The following ADORA2B variants were observed in gnomAD, a reference collection of about 807,000 sequenced individuals.
ADORA2B encodes the protein adenosine receptor A2b.
Under a neutral mutation model 20.8 loss-of-function variants are expected in ADORA2B, and 18 were observed. The observed-to-expected ratio is 0.87, with a 90% CI of 0.60 to 1.29. The LOEUF is 1.29. ADORA2B is among the 50% of genes most tolerant of loss of function. The pLI is 0.00. For synonymous variants in ADORA2B, 179 were observed against 178.3 expected (o/e 1.00, Z -0.03); for missense variants, 441 against 422.7 (o/e 1.04, Z -0.38).
At chr17:15,968,115 C>CATG (rs1313392012) in intron 1 of ADORA2B, among the ~76,000 whole-genome samples, 2 of 152,192 alleles carry the variant, frequency 1.3e-5, no homozygotes, top group Non-Finnish European at 2.9e-5. Flanking sequence ...TTTTAGTTAT[C>CATG]ATGGCCTGTC....
chr17:15,948,398 C>CGGGGGGGGGGGGGGG (rs61613212), intron 1 of ADORA2B, among the ~76,000 whole-genome samples: 1 of 22,626 alleles, frequency 4.4e-5, no homozygotes, highest in Non-Finnish European at 3.4e-4. Context: ...TGGGCCCTGG[C>CGGGGGGGGGGGGGGG]GGCGGGGGGC....
At chr17:15,879,312 G>T in the ADORA2B span, among the ~76,000 whole-genome samples, 283 of 152,064 alleles carry the variant, frequency 1.9e-3, 1 homozygote, top group Non-Finnish European at 2.4e-3. Context: ...AAATAGCTGG[G>T]CATAGTGGCA....
chr17:15,851,460 A>T, the ADORA2B span, among the ~76,000 whole-genome samples: 235 of 151,818 alleles, frequency 1.5e-3, no homozygotes, highest in African/African-American at 5.5e-3. Context: ...ATGCCAGCAC[A>T]CCATGCTCTG....
At chr17:15,876,430 T>C in the ADORA2B span, among the ~76,000 whole-genome samples, 8 of 144,482 alleles carry the variant, frequency 5.5e-5, no homozygotes, top group Non-Finnish European at 8.9e-5. Flanking sequence ...TTTTTCTTTC[T>C]TTCTTTCTTT....
chr17:15,956,244 G>A (rs1969964419), intron 1 of ADORA2B, among the ~76,000 whole-genome samples: 1 of 152,200 alleles, frequency 6.6e-6, no homozygotes, highest in Non-Finnish European at 1.5e-5. Context: ...GATTCCTCGT[G>A]TGGCAGAGTG....
the ADORA2B span, among the ~76,000 whole-genome samples, chr17:15,877,363 C>T: frequency 6.6e-6 from 1 of 152,168 alleles, no homozygotes; most frequent in Non-Finnish European, 1.5e-5. Flanking sequence ...CTCTGCAAAG[C>T]TGACCCCTGC....
chr17:15,885,833 C>T, the ADORA2B span, among the ~76,000 whole-genome samples: 54 of 152,228 alleles, frequency 3.5e-4, no homozygotes, highest in African/African-American at 1.2e-3. Context: ...GATGAGAAAA[C>T]TAAAGGCAGA....
chr17:15,923,055 C>A, the ADORA2B span, among the ~76,000 whole-genome samples: 403 of 151,720 alleles, frequency 2.7e-3, 1 homozygote, highest in African/African-American at 9.0e-3. Context: ...TGGGGTCTGG[C>A]TCTGTCACCC....
intron 1 of ADORA2B, chr17:15,973,905 G>T (rs948052534): frequency 4.6e-5 from 7 of 152,202 alleles, no homozygotes; most frequent in African/African-American, 1.7e-4. Context: ...ACTGTTAAAA[G>T]AAAAACTTCG....
the ADORA2B span, among the ~76,000 whole-genome samples, chr17:15,890,513 C>T: frequency 2.0e-5 from 3 of 149,094 alleles, no homozygotes; most frequent in Non-Finnish European, 4.5e-5. Flanking sequence ...GTATTTTGTG[C>T]CTTATATGGC....
the ADORA2B span, among the ~76,000 whole-genome samples, chr17:15,867,574 G>C: frequency 6.7e-6 from 1 of 149,956 alleles, no homozygotes; most frequent in Non-Finnish European, 1.5e-5. Flanking sequence ...GGAGGGAGGC[G>C]GGGGTCAGCC....
chr17:15,966,933 G>A (rs1402161724), intron 1 of ADORA2B, among the ~76,000 whole-genome samples: 1 of 152,254 alleles, frequency 6.6e-6, no homozygotes, highest in African/African-American at 2.4e-5. Context: ...AGCAGTGACT[G>A]CCACGGGCTG....
chr17:15,869,333 A>T, the ADORA2B span, among the ~76,000 whole-genome samples: 20 of 149,708 alleles, frequency 1.3e-4, no homozygotes, highest in African/African-American at 4.2e-4. Context: ...TAATAATAAT[A>T]ATAATAATTA....
intron 1 of ADORA2B, among the ~76,000 whole-genome samples, chr17:15,957,424 G>A (rs550441112): frequency 1.3e-5 from 2 of 152,130 alleles, no homozygotes; most frequent in South Asian, 2.1e-4. Context: ...AGATCTGATC[G>A]ATAGCACATA....
upstream of ADORA2B, chr17:15,944,912 A>C: frequency 2.8e-5 from 5 of 176,694 alleles, no homozygotes; most frequent in Non-Finnish European, 2.4e-5. This position sits in a 1 kb window ranked among gnomAD's most constrained non-coding sequence, Gnocchi z 4.8. Flanking sequence ...CGTGACGGGA[A>C]GTTGGGGCAA....
the ADORA2B span, among the ~76,000 whole-genome samples, chr17:15,916,336 G>T: frequency 6.6e-6 from 1 of 152,192 alleles, no homozygotes; most frequent in African/African-American, 2.4e-5. Context: ...TGAAGTGTAG[G>T]AGGACAAGTC....
the ADORA2B span, among the ~76,000 whole-genome samples, chr17:15,927,431 C>G: frequency 1.3e-5 from 2 of 151,764 alleles, no homozygotes; most frequent in African/African-American, 2.4e-5. Flanking sequence ...TGCAGTGAGC[C>G]GAGTTTGAGC....
At chr17:15,852,841 T>C in the ADORA2B span, among the ~76,000 whole-genome samples, 1 of 151,554 alleles carries the variant, frequency 6.6e-6, no homozygotes, top group Non-Finnish European at 1.5e-5. Context: ...GAATAGGAAA[T>C]AGAGAAAAGG....
the ADORA2B span, among the ~76,000 whole-genome samples, chr17:15,867,976 TCTGTGTAGAA>T: frequency 6.6e-6 from 1 of 151,122 alleles, no homozygotes; most frequent in Non-Finnish European, 1.5e-5. Flanking sequence ...GGTTGCCGTG[TCTGTGTAGAA>T]AGAGGTAGAC....
Sources: allele counts gnomAD v4.1 joint callset (sites outside exome capture counted in the v4.1 genomes callset), GRCh38; gene constraint gnomAD v4.1.1; non-coding constraint Gnocchi (gnomAD v3.1); transcripts MANE v1.5; gene names NCBI Gene and HGNC (gene_info 2026-07-23, HGNC 2026-07-21).